GRM8: variants seen among roughly 807,000 people sequenced by gnomAD.
The protein encoded by GRM8 is glutamate metabotropic receptor 8, also known as metabotropic glutamate receptor 8.
A neutral mutation model predicts 87.2 loss-of-function variants in GRM8; 47 were observed. The ratio of observed to expected loss-of-function variants is 0.54; its 90% CI spans 0.43 to 0.69. GRM8 has a LOEUF of 0.69. GRM8 is among the 30% of genes least tolerant of loss of function. The pLI is 0.00. For synonymous variants in GRM8, 396 were observed against 404.5 expected (o/e 0.98, Z 0.25); for missense variants, 1,019 against 1,139.2 (o/e 0.89, Z 1.52).
intron 3 of GRM8, among the ~76,000 whole-genome samples, chr7:127,015,250 GA>G: frequency 1.8e-5 from 2 of 113,502 alleles, no homozygotes; most frequent in African/African-American, 6.7e-5. Context: ...AGAAGAAGAA[GA>G]AGAAGAAGAA....
At chr7:127,213,025 T>C in intron 2 of GRM8, among the ~76,000 whole-genome samples, 1 of 152,228 alleles carries the variant, frequency 6.6e-6, no homozygotes, top group East Asian at 1.9e-4. Flanking sequence ...CAGCTGTAAT[T>C]CTGCAACTCA....
chr7:126,551,582 A>C, intron 8 of GRM8, among the ~76,000 whole-genome samples: 1 of 152,168 alleles, frequency 6.6e-6, no homozygotes, highest in South Asian at 2.1e-4. Context: ...CATAAAGCTC[A>C]TCATGTCTAC....
intron 7 of GRM8, among the ~76,000 whole-genome samples, chr7:126,733,379 A>G (rs1173551071): frequency 6.6e-6 from 1 of 150,550 alleles, no homozygotes; most frequent in East Asian, 1.9e-4. Context: ...TAATATAATA[A>G]TGTATTATGT....
At chr7:126,928,998 C>T (rs998985283) in intron 3 of GRM8, among the ~76,000 whole-genome samples, 2 of 152,070 alleles carry the variant, frequency 1.3e-5, no homozygotes, top group Non-Finnish European at 2.9e-5. Context: ...TGTCCACAGG[C>T]AAAGGTGTTG....
intron 6 of GRM8, chr7:126,870,287 C>T (rs1372180185): frequency 1.3e-5 from 2 of 152,136 alleles, no homozygotes; most frequent in Non-Finnish European, 2.9e-5. Flanking sequence ...CTCAGACTTC[C>T]TCCATATCAG....
At chr7:127,245,840 T>G (rs1226563893) in intron 1 of GRM8, among the ~76,000 whole-genome samples, 1 of 152,080 alleles carries the variant, frequency 6.6e-6, no homozygotes, top group African/African-American at 2.4e-5. Context: ...GCATGTAACC[T>G]CTCTGAAGCT....
intron 3 of GRM8, among the ~76,000 whole-genome samples, chr7:126,953,720 G>A (rs1204569): frequency 0.38 from 57,738 of 151,842 alleles, 11,311 homozygotes; most frequent in East Asian, 0.66. Flanking sequence ...CCCAGGAACC[G>A]TTTGTTACAA....
chr7:126,539,471 A>T (rs1816286710), intron 8 of GRM8, among the ~76,000 whole-genome samples: 1 of 152,018 alleles, frequency 6.6e-6, no homozygotes, highest in Non-Finnish European at 1.5e-5. Context: ...AATATAAGGG[A>T]CCCAGAATAG....
chr7:126,625,039 A>G (rs1475138973), intron 7 of GRM8, among the ~76,000 whole-genome samples: 1 of 152,210 alleles, frequency 6.6e-6, no homozygotes, highest in Non-Finnish European at 1.5e-5. Context: ...TCCAGCAGAC[A>G]CCCATAACAT....
At chr7:126,879,127 C>T (rs1384004701) in intron 6 of GRM8, among the ~76,000 whole-genome samples, 2 of 145,938 alleles carry the variant, frequency 1.4e-5, no homozygotes, top group Admixed American at 6.9e-5. Context: ...GGCGCCATTG[C>T]ACTCCAGCCT....
chr7:127,151,608 A>G (rs1182207459), intron 2 of GRM8, among the ~76,000 whole-genome samples: 2 of 152,074 alleles, frequency 1.3e-5, no homozygotes, highest in African/African-American at 4.8e-5. Flanking sequence ...CATTATCATT[A>G]TCGTCCTCAC....
intron 7 of GRM8, among the ~76,000 whole-genome samples, chr7:126,719,893 T>C (rs1274537349): frequency 2.0e-5 from 3 of 151,548 alleles, no homozygotes; most frequent in Non-Finnish European, 4.4e-5. Context: ...CTGATTTCTA[T>C]AGCAAGTTCT....
intron 6 of GRM8, among the ~76,000 whole-genome samples, chr7:126,820,053 A>G (rs1410847899): frequency 6.6e-6 from 1 of 152,176 alleles, no homozygotes; most frequent in Non-Finnish European, 1.5e-5. Flanking sequence ...CATTTTAGGA[A>G]TTTTATTTCA....
At chr7:126,993,801 A>G (rs950338267) in intron 3 of GRM8, among the ~76,000 whole-genome samples, 7 of 152,192 alleles carry the variant, frequency 4.6e-5, no homozygotes, top group African/African-American at 1.7e-4. Context: ...AGACCTAACC[A>G]GAGAGGAAGT....
Position 126,680,737 on chromosome 7 carries a change from A to C in GRM8, c.1358-71239T>G, listed in dbSNP as rs115875307. ...TTAGTAGCATGCTTTGCTTAGGAGA[A>C]TGTAAGAATAACTAATTTTGTGGTT... On this transcript the variant is annotated intron_variant, in intron 7 of 10. Coordinates refer to ENST00000339582, the MANE Select transcript of GRM8 (RefSeq NM_000845.3). 7.3e-3 allele frequency among the ~76,000 whole-genome samples: 1,118 copies of C among 152,352 alleles called. 20 individuals carry two copies. The highest frequency in any genetic ancestry group is 0.025 in the African/African-American group (1,055 of 41,572).
intron 3 of GRM8, among the ~76,000 whole-genome samples, chr7:127,024,233 G>GT: frequency 6.6e-6 from 1 of 152,026 alleles, no homozygotes; most frequent in East Asian, 1.9e-4. Flanking sequence ...ATTAAATAAG[G>GT]TAAGATTAAT....
intron 8 of GRM8, among the ~76,000 whole-genome samples, chr7:126,569,592 A>C (rs2299467): frequency 6.6e-6 from 1 of 152,130 alleles, no homozygotes; most frequent in South Asian, 2.1e-4. Context: ...AACCACATGG[A>C]GAACTCAGGG....
intron 8 of GRM8, among the ~76,000 whole-genome samples, chr7:126,575,711 T>G (rs138799460): frequency 0.012 from 1,842 of 152,292 alleles, 35 homozygotes; most frequent in African/African-American, 0.042. Flanking sequence ...TACACACTGT[T>G]TTTTGAAATT....
chr7:126,625,688 A>G (rs12540159), intron 7 of GRM8, among the ~76,000 whole-genome samples: 48,610 of 152,032 alleles, frequency 0.32, 8,393 homozygotes, highest in East Asian at 0.43. Flanking sequence ...CTTTTAAAAT[A>G]GGAAAAGACC....
Sources: gnomAD v4.1 joint callset for allele counts (sites outside exome capture counted in the v4.1 genomes callset) on GRCh38, gnomAD v4.1.1 for gene constraint, MANE v1.5 for transcripts, NCBI Gene and HGNC (gene_info 2026-07-23, HGNC 2026-07-21) for gene names.